RNFT2: variants seen among roughly 807,000 people sequenced by gnomAD.
The protein encoded by RNFT2 is ring finger protein, transmembrane 2, also known as E3 ubiquitin-protein ligase RNFT2.
A neutral mutation model predicts 53.0 loss-of-function variants in RNFT2; 36 were observed. The observed-to-expected ratio is 0.68, with a 90% CI of 0.52 to 0.90. The LOEUF (loss-of-function observed/expected upper bound fraction) is 0.90. Among genes scored for constraint, RNFT2 ranks in the 40% least tolerant of loss-of-function variants. The pLI, the probability that RNFT2 is intolerant of heterozygous loss-of-function variation, is 0.00. For missense variants in RNFT2, 514 were observed against 585.6 expected (o/e 0.88, Z 1.26); for synonymous variants, 260 against 253.2 (o/e 1.03, Z -0.26).
At chr12:116,800,862 AACCATT>A (rs1874758666) in intron 7 of RNFT2, among the ~76,000 whole-genome samples, 1 of 143,364 alleles carries the variant, frequency 7.0e-6, no homozygotes, top group Non-Finnish European at 1.5e-5. Flanking sequence ...ATAAAATAAA[AACCATT>A]TAACAGATAA....
chr12:116,834,085 G>A (rs1276043344), intron 8 of RNFT2, 144 bp downstream of exon 8: 8 of 574,928 alleles, frequency 1.4e-5, no homozygotes, highest in Non-Finnish European at 1.6e-5. Flanking sequence ...CATACGACAT[G>A]AAATTAACCA....
At chr12:116,820,970 C>A (rs1464931014) in intron 7 of RNFT2, among the ~76,000 whole-genome samples, 2 of 152,086 alleles carry the variant, frequency 1.3e-5, no homozygotes, top group African/African-American at 4.8e-5. Flanking sequence ...CCACTCTGTT[C>A]TTCCCTCCCC....
chr12:116,844,936 G>T (rs932281599), intron 10 of RNFT2, among the ~76,000 whole-genome samples: 3 of 151,964 alleles, frequency 2.0e-5, no homozygotes, highest in Non-Finnish European at 4.4e-5. Context: ...ACCAGGTTCT[G>T]CCCTCAGAAA....
chr12:116,743,228 A>T (rs1056930828), intron 3 of RNFT2, among the ~76,000 whole-genome samples: 1 of 120,364 alleles, frequency 8.3e-6, no homozygotes, highest in African/African-American at 3.1e-5. Flanking sequence ...AAAAAAAAAA[A>T]AAAAAAAAAA....
At chr12:116,841,800 TATATAAATATATATATAA>T (rs1877279494) in intron 10 of RNFT2, among the ~76,000 whole-genome samples, 1 of 93,108 alleles carries the variant, frequency 1.1e-5, no homozygotes, top group East Asian at 2.8e-4. Flanking sequence ...TATAAATATA[TATATAAATATATATATAA>T]AAATATATAT....
chr12:116,782,989 C>T (rs770852701), intron 7 of RNFT2, among the ~76,000 whole-genome samples: 3 of 152,186 alleles, frequency 2.0e-5, no homozygotes, highest in Non-Finnish European at 4.4e-5. Flanking sequence ...TCCCTCATGG[C>T]GAGAACAGAG....
intron 7 of RNFT2, among the ~76,000 whole-genome samples, chr12:116,818,645 T>C (rs1012233314): frequency 6.6e-6 from 1 of 152,216 alleles, no homozygotes; most frequent in Non-Finnish European, 1.5e-5. Flanking sequence ...GGGTGTATCG[T>C]CCACTGTCAA....
intron 3 of RNFT2, among the ~76,000 whole-genome samples, chr12:116,745,192 T>TTG: frequency 6.7e-6 from 1 of 149,910 alleles, no homozygotes. Flanking sequence ...TTTTTTTTTT[T>TTG]GAGATAGAGT....
chr12:116,785,670 A>T (rs1873904171), intron 7 of RNFT2, among the ~76,000 whole-genome samples: 1 of 152,158 alleles, frequency 6.6e-6, no homozygotes, highest in South Asian at 2.1e-4. Flanking sequence ...AGAGCTCTGT[A>T]AACGGTGAGT....
In RNFT2 at chr12:116,750,182, G is replaced by A. The variant is rs368488607; in HGVS notation, c.425G>A (p.Gly142Asp). The change falls in exon 4 of 11, where the codon GGC becomes GAC. Residue 142 changes from glycine to aspartate, a missense_variant. Around this residue, in one of 3 missense-constraint regions of RNFT2, gnomAD observed 237 missense variants for 235.1 expected, o/e 1.01. Coordinates refer to ENST00000257575, the MANE Select transcript of RNFT2 (RefSeq NM_001382266.1). ...CACCGGGGGCACTCGGAGGAGGGAG[G>A]CGACGAGCAGCCTGGGACGCCCGCC... ...GDHRGHSEEG[G>D]DEQPGTPAPA... is the part of the protein sequence containing the mutation. The A allele has an allele frequency of 6.3e-7, 1 of 1,597,950 alleles. No homozygotes were observed. Among genetic ancestry groups the A allele is most frequent in the South Asian group, 1.1e-5 (1 of 89,502 alleles).
At chr12:116,750,357 T>C (rs1252058479) in intron 4 of RNFT2, 50 bp downstream of exon 4, 4 of 1,537,264 alleles carry the variant, frequency 2.6e-6, no homozygotes, top group East Asian at 4.8e-5. Flanking sequence ...ACAGGCAGGC[T>C]GCCTGCAGCC....
chr12:116,792,617 G>C (rs1006292817), intron 7 of RNFT2, among the ~76,000 whole-genome samples: 2 of 152,242 alleles, frequency 1.3e-5, no homozygotes, highest in South Asian at 4.2e-4. Context: ...AGGTCAGCGC[G>C]TAATCTAGCC....
intron 5 of RNFT2, among the ~76,000 whole-genome samples, chr12:116,763,146 T>C (rs533579407): frequency 1.4e-5 from 2 of 147,908 alleles, no homozygotes; most frequent in South Asian, 4.4e-4. Flanking sequence ...AACATTTAAT[T>C]GAGCTAGTTT....
intron 7 of RNFT2, among the ~76,000 whole-genome samples, chr12:116,829,472 G>T (rs1277651529): frequency 6.6e-6 from 1 of 152,170 alleles, no homozygotes; most frequent in South Asian, 2.1e-4. Flanking sequence ...CACAACTGGA[G>T]GTGGCGAACT....
At chr12:116,740,271 A>C (rs1329506916) in intron 1 of RNFT2, 74 bp from the exon 2 acceptor site, 1 of 519,602 alleles carries the variant, frequency 1.9e-6, no homozygotes, top group Admixed American at 3.1e-5. Flanking sequence ...ATAGCTACCA[A>C]CAATGTCCTA....
intron 4 of RNFT2, among the ~76,000 whole-genome samples, chr12:116,752,857 G>A (rs559570959): frequency 2.0e-5 from 3 of 152,242 alleles, no homozygotes; most frequent in South Asian, 2.1e-4. Context: ...CAGCCTGGGC[G>A]ACAGAGTGAG....
At chr12:116,800,290 AGTT>A (rs1343577362) in intron 7 of RNFT2, among the ~76,000 whole-genome samples, 1 of 151,764 alleles carries the variant, frequency 6.6e-6, no homozygotes, top group Non-Finnish European at 1.5e-5. Context: ...TGAGGTCAGG[AGTT>A]CGAGACCAGC....
chr12:116,818,186 G>A (rs918874551), intron 7 of RNFT2, among the ~76,000 whole-genome samples: 2 of 152,074 alleles, frequency 1.3e-5, no homozygotes, highest in Admixed American at 6.5e-5. Context: ...TCTGGGGCAT[G>A]GTGGCACACA....
At position 116,852,319 on chromosome 12, in the gene RNFT2, TC is replaced by T; in HGVS notation, c.*2876del. 8.0e-7 allele frequency: 1 copy of T among 1,246,418 alleles called. No homozygotes were observed. Among genetic ancestry groups the T allele is most frequent in the Non-Finnish European group, 1.0e-6 (1 of 989,314 alleles). The allele number at this position is 1,246,418 out of a possible 1,614,324, so 77.2% of individuals were successfully genotyped here. A position where few individuals can be genotyped will look rare whatever the true frequency, so the allele number is the denominator to read the frequency against. On this transcript the variant is annotated 3_prime_UTR_variant, in exon 11 of 11. Coordinates refer to ENST00000257575, the MANE Select transcript of RNFT2 (RefSeq NM_001382266.1). Reference sequence around the variant, plus strand: ...GTCAGCCAGTATTAACATGTCCCCTTCCCCCTGCCCCGCCGTAGATTCAGGA... The same window carrying T: ...GTCAGCCAGTATTAACATGTCCCCTTCCCCTGCCCCGCCGTAGATTCAGGA...
Sources: allele counts gnomAD v4.1 joint callset (sites outside exome capture counted in the v4.1 genomes callset), GRCh38; gene constraint gnomAD v4.1.1; regional missense constraint gnomAD v4.1.1; transcripts MANE v1.5; gene names NCBI Gene and HGNC (gene_info 2026-07-23, HGNC 2026-07-21).